Variants in SAXO1 observed in about 807,000 individuals in gnomAD.
SAXO1 encodes the protein 4930500O09Rik.
Under a neutral mutation model 17.5 loss-of-function variants are expected in SAXO1, and 21 were observed. The ratio of observed to expected loss-of-function variants is 1.20; its 90% CI spans 0.85 to 1.72. The LOEUF is 1.72. SAXO1 is among the 40% of genes most tolerant of loss of function. SAXO1 has a pLI of 0.00. For missense variants in SAXO1, 843 were observed against 596.0 expected, an observed-to-expected ratio of 1.41 and a Z score of -4.32; for synonymous variants, 274 against 216.5, an observed-to-expected ratio of 1.27 and a Z score of -2.33.
In SAXO1 at chr9:19,045,626, GA is replaced by G. The variant is rs1836195330; in HGVS notation, c.-158+3582del. 2.0e-5 allele frequency among the ~76,000 whole-genome samples: 3 copies of G among 152,268 alleles called. No individual in the cohort carries two copies. The East Asian group carries it at 5.8e-4, about 29-fold the overall frequency. On this transcript the variant is annotated intron_variant, in intron 1 of 3. Transcript: ENST00000542071. ...GGCTTATACACACCCCATCCCAGTA[GA>G]AGAATCCTGGGAGAATCTAACCAGC...
At chr9:19,018,849 C>T (rs141550941) in intron 1 of SAXO1, among the ~76,000 whole-genome samples, 11 of 152,186 alleles carry the variant, frequency 7.2e-5, no homozygotes, top group African/African-American at 2.7e-4. Context: ...GTGGCTTACA[C>T]CTGTAATCCC....
chr9:18,929,266 C>G (rs947295013), intron 3 of SAXO1, among the ~76,000 whole-genome samples: 1 of 152,192 alleles, frequency 6.6e-6, no homozygotes, highest in African/African-American at 2.4e-5. Context: ...TCTACAGGAG[C>G]TCTCATCACA....
At chr9:18,952,850 C>T (rs1316631423) in intron 1 of SAXO1, among the ~76,000 whole-genome samples, 1 of 152,134 alleles carries the variant, frequency 6.6e-6, no homozygotes, top group African/African-American at 2.4e-5. Flanking sequence ...GTGTACAAAG[C>T]TATGTATTTC....
intron 1 of SAXO1, among the ~76,000 whole-genome samples, chr9:19,024,465 G>C (rs1401875270): frequency 6.6e-6 from 1 of 152,014 alleles, no homozygotes; most frequent in Non-Finnish European, 1.5e-5. Context: ...GGGGGGGAGG[G>C]ATAGCATTAG....
At chr9:18,970,130 G>A (rs918104255) in intron 1 of SAXO1, among the ~76,000 whole-genome samples, 5 of 152,204 alleles carry the variant, frequency 3.3e-5, no homozygotes, top group Admixed American at 6.5e-5. Context: ...AAAGCAGGGT[G>A]TGTAAACAGT....
chr9:18,937,590 G>T (rs968843002), intron 3 of SAXO1, among the ~76,000 whole-genome samples: 10 of 152,158 alleles, frequency 6.6e-5, no homozygotes, highest in African/African-American at 2.2e-4. Flanking sequence ...GGTGGTATTG[G>T]GAGGTGAGGC....
At chr9:19,027,547 G>T in intron 1 of SAXO1, 4 of 1,145,730 alleles carry the variant, frequency 3.5e-6, no homozygotes, top group Non-Finnish European at 5.3e-6. Context: ...TCCTGGCCTG[G>T]GCCTGTAGGG....
At chr9:18,954,919 T>TA (rs10630997) in intron 1 of SAXO1, among the ~76,000 whole-genome samples, 15,822 of 147,012 alleles carry the variant, frequency 0.11, 1,433 homozygotes, top group African/African-American at 0.26. Context: ...AAAAAAAAGT[T>TA]AAAAAAAAAA....
chr9:19,027,632 C>T, intron 1 of SAXO1: 1 of 1,429,360 alleles, frequency 7.0e-7, no homozygotes, highest in Non-Finnish European at 9.9e-7. Context: ...TGGTGCCAAG[C>T]TAGTCCGGGA....
intron 1 of SAXO1, among the ~76,000 whole-genome samples, chr9:19,038,890 TTTATC>T (rs1273671177): frequency 6.6e-6 from 1 of 152,112 alleles, no homozygotes; most frequent in African/African-American, 2.4e-5. Flanking sequence ...TAAACAGTAT[TTTATC>T]TTAAAATTTT....
At chr9:19,044,150 A>AG (rs1276480576) in intron 1 of SAXO1, among the ~76,000 whole-genome samples, 1 of 148,070 alleles carries the variant, frequency 6.8e-6, no homozygotes, top group Non-Finnish European at 1.5e-5. Flanking sequence ...AAAAAAAAAA[A>AG]CAATTGGATT....
At chr9:18,949,667 A>C (rs1408057566) in intron 2 of SAXO1, among the ~76,000 whole-genome samples, 1 of 112,818 alleles carries the variant, frequency 8.9e-6, no homozygotes, top group Non-Finnish European at 2.0e-5. Flanking sequence ...AGAGAAGAGC[A>C]CCTCCAACTC....
intron 1 of SAXO1, among the ~76,000 whole-genome samples, chr9:19,015,400 G>C (rs1021529888): frequency 1.3e-5 from 2 of 152,144 alleles, no homozygotes; most frequent in African/African-American, 4.8e-5. Context: ...CTGGAGTGCA[G>C]TGGCGTGATC....
At chr9:19,015,177 G>A (rs1003161142) in intron 1 of SAXO1, among the ~76,000 whole-genome samples, 1 of 152,050 alleles carries the variant, frequency 6.6e-6, no homozygotes, top group African/African-American at 2.4e-5. Context: ...AGATTTGCAA[G>A]TCTTAAAATT....
intron 1 of SAXO1, among the ~76,000 whole-genome samples, chr9:19,007,270 C>T (rs1461800072): frequency 6.6e-6 from 1 of 152,010 alleles, no homozygotes; most frequent in Non-Finnish European, 1.5e-5. Context: ...TCGCTTGAAC[C>T]CGGGAGGCAG....
At chr9:18,975,449 A>C (rs1833108295) in intron 1 of SAXO1, among the ~76,000 whole-genome samples, 1 of 152,200 alleles carries the variant, frequency 6.6e-6, no homozygotes, top group Non-Finnish European at 1.5e-5. Context: ...CACCCATTTC[A>C]GACAGCCCTG....
At chr9:18,969,047 C>A (rs1832846882) in intron 1 of SAXO1, among the ~76,000 whole-genome samples, 1 of 144,142 alleles carries the variant, frequency 6.9e-6, no homozygotes, top group African/African-American at 2.9e-5. Flanking sequence ...CCACTCTGTT[C>A]TCTTTTTGCA....
At chr9:19,027,655 G>C in intron 1 of SAXO1, 2 of 1,386,156 alleles carry the variant, frequency 1.4e-6, no homozygotes, top group South Asian at 2.3e-5. Context: ...CCTTCGCCCT[G>C]GCCAAGGAGA....
intron 1 of SAXO1, among the ~76,000 whole-genome samples, chr9:19,008,507 G>T (rs567504870): frequency 3.3e-5 from 5 of 152,268 alleles, no homozygotes; most frequent in Admixed American, 3.3e-4. Flanking sequence ...GAAGCCCATG[G>T]TAAGAAATTG....
Sources: gnomAD v4.1 joint callset for allele counts (sites outside exome capture counted in the v4.1 genomes callset) on GRCh38, gnomAD v4.1.1 for gene constraint, MANE v1.5 for transcripts, NCBI Gene and HGNC (gene_info 2026-07-23, HGNC 2026-07-21) for gene names.